IFT88: variants seen among roughly 807,000 people sequenced by gnomAD.
IFT88 encodes intraflagellar transport protein 88 homolog.
A neutral mutation model predicts 119.5 loss-of-function variants in IFT88; 74 were observed. The observed-to-expected ratio is 0.62, with a 90% CI of 0.51 to 0.75. The LOEUF is 0.75. Ranked by LOEUF, IFT88 falls within the 30% of genes least tolerant of loss-of-function variation. The pLI, the probability that IFT88 is intolerant of heterozygous loss-of-function variation, is 0.00. For synonymous variants in IFT88, 279 were observed against 316.7 expected (o/e 0.88, Z 1.26); for missense variants, 961 against 977.7 (o/e 0.98, Z 0.23).
chr13:20,589,418 G>A (rs2040282510), intron 3 of IFT88, among the ~76,000 whole-genome samples: 1 of 152,106 alleles, frequency 6.6e-6, no homozygotes, highest in Non-Finnish European at 1.5e-5. Context: ...ATTAAATAAA[G>A]GTATCTGTTA....
At chr13:20,601,404 G>A (rs1247093874) in intron 11 of IFT88, among the ~76,000 whole-genome samples, 1 of 151,480 alleles carries the variant, frequency 6.6e-6, no homozygotes, top group Admixed American at 6.6e-5. Flanking sequence ...CTAGGGCTGG[G>A]AATAAGAATG....
In IFT88 at chr13:20,639,935, C is replaced by T. The variant is rs149704976; in HGVS notation, c.1574-1355C>T. On this transcript the variant is annotated intron_variant, in intron 17 of 25. Coordinates refer to ENST00000351808, the MANE Select transcript of IFT88 (RefSeq NM_006531.5). ...TTCCAAGTAGCTGGAACCACAGGTGCGCTCCACTACGCCCGTCTAATTTTT... is the reference window on the plus strand; with the variant it reads ...TTCCAAGTAGCTGGAACCACAGGTGTGCTCCACTACGCCCGTCTAATTTTT... 8.0e-3 allele frequency among the ~76,000 whole-genome samples: 1,218 copies of T among 151,512 alleles called. 30 individuals are homozygous for T. The South Asian group carries it at 0.086, about 11-fold the overall frequency.
At chr13:20,599,060 G>A (rs139414931) in intron 10 of IFT88, among the ~76,000 whole-genome samples, 18 of 152,012 alleles carry the variant, frequency 1.2e-4, no homozygotes, top group South Asian at 2.1e-4. Flanking sequence ...TTTATATTTA[G>A]CATTTATATT....
At chr13:20,639,949 C>T (rs1390512936) in intron 17 of IFT88, among the ~76,000 whole-genome samples, 3 of 151,606 alleles carry the variant, frequency 2.0e-5, no homozygotes, top group South Asian at 2.1e-4. Flanking sequence ...CCACTACGCC[C>T]GTCTAATTTT....
intron 3 of IFT88, among the ~76,000 whole-genome samples, chr13:20,583,779 T>C (rs1415863089): frequency 6.6e-6 from 1 of 152,192 alleles, no homozygotes. Context: ...TTTAGATGTT[T>C]AATCCATTTT....
At chr13:20,635,572 G>T (rs2480425) in intron 16 of IFT88, among the ~76,000 whole-genome samples, 32,179 of 152,066 alleles carry the variant, frequency 0.21, 3,942 homozygotes, top group African/African-American at 0.31. Context: ...CTCTTGGCTC[G>T]GCCTTCTGAG....
At chr13:20,671,564 T>A (rs1367160244) in intron 24 of IFT88, among the ~76,000 whole-genome samples, 1 of 152,208 alleles carries the variant, frequency 6.6e-6, no homozygotes, top group Admixed American at 6.5e-5. Flanking sequence ...TTTTGGTGAT[T>A]TCTGAAGTTC....
At chr13:20,589,719 A>G (rs184165734) in intron 3 of IFT88, 92 bp from the exon 4 acceptor site, 22 of 587,024 alleles carry the variant, frequency 3.7e-5, no homozygotes, top group Non-Finnish European at 6.2e-5. Flanking sequence ...ATATTTCTTT[A>G]TTTATGAGTC....
At chr13:20,645,382 G>A (rs372778808) in intron 20 of IFT88, among the ~76,000 whole-genome samples, 2 of 152,092 alleles carry the variant, frequency 1.3e-5, no homozygotes, top group African/African-American at 4.8e-5. Context: ...GAGCCACCGC[G>A]CCCAGCCAAA....
intron 11 of IFT88, among the ~76,000 whole-genome samples, chr13:20,601,226 C>T (rs879416504): frequency 3.3e-5 from 5 of 152,066 alleles, no homozygotes; most frequent in African/African-American, 4.8e-5. Flanking sequence ...ATTAGCCCGG[C>T]GTGGTGGCAT....
chr13:20,685,256 G>A (rs2057784283), intron 24 of IFT88, among the ~76,000 whole-genome samples: 1 of 152,250 alleles, frequency 6.6e-6, no homozygotes, highest in Middle Eastern at 3.4e-3. Flanking sequence ...CCGGGGGTGG[G>A]GGGGCCAGGT....
At chr13:20,653,846 C>A in intron 20 of IFT88, 30 bp from the exon 21 acceptor site, 1 of 1,341,138 alleles carries the variant, frequency 7.5e-7, no homozygotes. Context: ...TTTTTTATCT[C>A]TAATTTCATC....
intron 20 of IFT88, among the ~76,000 whole-genome samples, chr13:20,648,530 T>C (rs896218682): frequency 6.6e-6 from 1 of 151,922 alleles, no homozygotes; most frequent in Non-Finnish European, 1.5e-5. Context: ...TATAAAAAAG[T>C]ATTAGGAAAA....
At chr13:20,636,035 A>G (rs1222039364) in intron 16 of IFT88, among the ~76,000 whole-genome samples, 1 of 152,158 alleles carries the variant, frequency 6.6e-6, no homozygotes, top group Non-Finnish European at 1.5e-5. Flanking sequence ...AATCCAAACT[A>G]GCAACAGTCA....
intron 17 of IFT88, among the ~76,000 whole-genome samples, chr13:20,639,667 CTTAT>C (rs1180574363): frequency 1.3e-5 from 2 of 151,978 alleles, no homozygotes; most frequent in Non-Finnish European, 2.9e-5. Flanking sequence ...TAGATATATC[CTTAT>C]TTATTTGTTT....
rs567813563 is a variant in IFT88, at chr13:20,652,933, C to T, written c.1950-943C>T. Among the ~76,000 whole-genome samples the T allele has an allele frequency of 3.9e-5, 6 of 152,254 alleles. 1 individual carries two copies. Among genetic ancestry groups the T allele is most frequent in the African/African-American group, 1.4e-4 (6 of 41,558 alleles). ...AGGGGATACAGGGAAGTCCGTGCTC[C>T]TGTGTGAATTTGCTGTAACATGAAA... On this transcript the variant is annotated intron_variant, in intron 20 of 25. Coordinates refer to ENST00000351808, the MANE Select transcript of IFT88 (RefSeq NM_006531.5).
chr13:20,615,771 CT>C, intron 13 of IFT88, 21 bp from the exon 14 acceptor site: 2 of 1,431,654 alleles, frequency 1.4e-6, no homozygotes, highest in Non-Finnish European at 9.7e-7. Context: ...CTAAATACAA[CT>C]TTTTGGTTTA....
At chr13:20,585,335 G>A (rs936842401) in intron 3 of IFT88, among the ~76,000 whole-genome samples, 3 of 152,144 alleles carry the variant, frequency 2.0e-5, no homozygotes, top group Admixed American at 6.5e-5. Flanking sequence ...GTTTAATCAT[G>A]GGAAAGATAC....
At position 20,641,339 on chromosome 13, in the gene IFT88, C is replaced by A; in HGVS notation, c.1623C>A (p.Phe541Leu). ...GGCTAGATGAGGCTTTGGACTGTTT[C>A]CTGAAACTTCACGCAATCCTACGAA... Reference protein sequence around the residue: ...LNRLDEALDCFLKLHAILRNS... With the variant: ...LNRLDEALDCLLKLHAILRNS... The change falls in exon 18 of 26, where the codon TTC becomes TTA. Residue 541 changes from phenylalanine to leucine, a missense_variant. Physicochemically the swap from Phe to Leu is conservative, Grantham distance 22. Coordinates refer to ENST00000351808, the MANE Select transcript of IFT88 (RefSeq NM_006531.5). The A allele has an allele frequency of 6.2e-7, 1 of 1,612,508 alleles. No homozygotes were observed. Among genetic ancestry groups the A allele is most frequent in the African/African-American group, 1.3e-5 (1 of 74,906 alleles).
Sources: gnomAD v4.1 joint callset for allele counts (sites outside exome capture counted in the v4.1 genomes callset) on GRCh38, gnomAD v4.1.1 for gene constraint, MANE v1.5 for transcripts, NCBI Gene and HGNC (gene_info 2026-07-23, HGNC 2026-07-21) for gene names.